MPDZ: variants seen among roughly 807,000 people sequenced by gnomAD.
MPDZ encodes multiple PDZ domain crumbs cell polarity complex component, also known as multiple PDZ domain protein.
In MPDZ, 234 loss-of-function variants were observed where a neutral mutation model predicts 239.1. The observed-to-expected ratio is 0.98, with a 90% CI of 0.88 to 1.09. The LOEUF (loss-of-function observed/expected upper bound fraction) is 1.09. MPDZ is among the 50% of genes least tolerant of loss of function. The pLI is 0.00. For synonymous variants in MPDZ, 1,048 were observed against 881.3 expected (o/e 1.19, Z -3.35); for missense variants, 3,175 against 2,510.0 (o/e 1.26, Z -5.66).
rs771491508 is a variant in MPDZ, at chr9:13,279,675, G to A, written c.-333C>T. On this transcript the variant is annotated 5_prime_UTR_variant, in exon 1 of 47. Transcript: ENST00000319217. Reference sequence around the variant, plus strand: ...CGCCGACCGGGGCTGCCGCGGAGGCGGTGGCGGGGCCCAGGCTGCTGGGGC... The same window carrying A: ...CGCCGACCGGGGCTGCCGCGGAGGCAGTGGCGGGGCCCAGGCTGCTGGGGC... 3 of 150,516 alleles carry A rather than the reference G, an allele frequency of 2.0e-5. No individual in the cohort carries two copies. Among genetic ancestry groups the A allele is most frequent in the Admixed American group, 6.6e-5 (1 of 15,100 alleles). 9.3% of individuals were successfully genotyped at this position (150,516 alleles called of 1,614,324 possible).
chr9:13,143,138 G>A lies in MPDZ; in HGVS notation c.3840+328C>T, dbSNP rs192697113. ...ACACATGGTTTTAAAGAAATTATGT[G>A]TGAAAGTATCATACATTTGGCAACT... On this transcript the variant is annotated intron_variant, in intron 27 of 46. Coordinates refer to ENST00000319217, the MANE Select transcript of MPDZ (RefSeq NM_001378778.1). Among the ~76,000 whole-genome samples the A allele has an allele frequency of 1.8e-3, 267 of 152,194 alleles. 1 individual carries two copies. The highest frequency in any genetic ancestry group is 0.015 in the Admixed American group (228 of 15,258).
At chr9:13,221,237 A>G in intron 7 of MPDZ, 135 bp downstream of exon 7, 2 of 968,212 alleles carry the variant, frequency 2.1e-6, no homozygotes, top group South Asian at 2.5e-5. Context: ...GGGACACTCA[A>G]TAAAACGAAA....
chr9:13,229,577 T>TACACACACAC (rs139327129), intron 3 of MPDZ, among the ~76,000 whole-genome samples: 2 of 136,164 alleles, frequency 1.5e-5, no homozygotes, highest in South Asian at 2.3e-4. Flanking sequence ...ACACCACACT[T>TACACACACAC]ACACACACAC....
At chr9:13,215,979 A>T in intron 10 of MPDZ, among the ~76,000 whole-genome samples, 1 of 130,930 alleles carries the variant, frequency 7.6e-6, no homozygotes. Context: ...TAGAGATAGG[A>T]TCTGCCTGTG....
At chr9:13,244,772 A>C (rs1379933664) in intron 3 of MPDZ, among the ~76,000 whole-genome samples, 1 of 152,136 alleles carries the variant, frequency 6.6e-6, no homozygotes, top group African/African-American at 2.4e-5. Context: ...AAGTAATGAG[A>C]AGGATCTGAG....
intron 19 of MPDZ, among the ~76,000 whole-genome samples, chr9:13,181,850 T>C (rs1953381276): frequency 6.6e-6 from 1 of 152,128 alleles, no homozygotes; most frequent in Admixed American, 6.6e-5. Context: ...GATTAGGAGA[T>C]TCCATCAGGA....
chr9:13,117,249 G>A (rs959650714), intron 39 of MPDZ, among the ~76,000 whole-genome samples: 3 of 152,098 alleles, frequency 2.0e-5, no homozygotes, highest in South Asian at 2.1e-4. Flanking sequence ...AGCGACTACT[G>A]TATATATTTT....
intron 21 of MPDZ, among the ~76,000 whole-genome samples, chr9:13,173,285 T>A (rs926131189): frequency 6.6e-6 from 1 of 152,208 alleles, no homozygotes; most frequent in Admixed American, 6.6e-5. Context: ...ATGCTGTGTC[T>A]ATTTTACAAT....
chr9:13,173,820 C>T (rs139443892), intron 21 of MPDZ, among the ~76,000 whole-genome samples: 1 of 152,250 alleles, frequency 6.6e-6, no homozygotes, highest in Non-Finnish European at 1.5e-5. Context: ...AAGCTGAATG[C>T]TCTTCTTAAA....
intron 8 of MPDZ, among the ~76,000 whole-genome samples, chr9:13,219,302 A>T (rs188990305): frequency 1.3e-5 from 2 of 152,144 alleles, no homozygotes; most frequent in Admixed American, 1.3e-4. Context: ...TTAAAACATT[A>T]TCCTCATAAA....
intron 25 of MPDZ, among the ~76,000 whole-genome samples, chr9:13,148,938 A>ATATT (rs1436876451): frequency 6.6e-6 from 1 of 152,002 alleles, no homozygotes; most frequent in Non-Finnish European, 1.5e-5. Flanking sequence ...CTTTTTAAAT[A>ATATT]TATTTAAACA....
intron 1 of MPDZ, among the ~76,000 whole-genome samples, chr9:13,262,386 G>C (rs944504048): frequency 2.0e-5 from 3 of 152,070 alleles, no homozygotes; most frequent in African/African-American, 7.2e-5. Flanking sequence ...GGTGGTAGAG[G>C]CTGCAGTGAC....
intron 38 of MPDZ, among the ~76,000 whole-genome samples, chr9:13,121,243 C>G (rs1332352442): frequency 6.6e-6 from 1 of 152,124 alleles, no homozygotes; most frequent in Admixed American, 6.5e-5. Context: ...ACTCACTTAT[C>G]ACTTTTAGCC....
intron 12 of MPDZ, among the ~76,000 whole-genome samples, chr9:13,198,069 ATC>A (rs1955880739): frequency 6.6e-6 from 1 of 152,140 alleles, no homozygotes. Flanking sequence ...GGGTACGGAT[ATC>A]TCTTTGCTAT....
At position 13,216,788 on chromosome 9, in the gene MPDZ, C is replaced by T. The variant is rs1958404039; in HGVS notation, c.1276G>A (p.Asp426Asn). The change falls in exon 10 of 47, where the codon GAC becomes AAC. Residue 426 changes from aspartate (D) to asparagine (N), a missense_variant. Physicochemically the swap from Asp to Asn is conservative, Grantham distance 23. Transcript: ENST00000319217. ...VEHDGRIQIG[D>N]QIIAVDGTNL... ...GTGTAACTTACTGCTATAATTTGGT[C>T]TCCAATTTGGATTCTTCCATCATGC... The T allele has an allele frequency of 1.2e-6, 2 of 1,608,040 alleles. No individual in the cohort carries two copies. Among genetic ancestry groups the T allele is most frequent in the East Asian group, 4.5e-5 (2 of 44,620 alleles).
At chr9:13,112,762 T>A (rs1262667984) in intron 42 of MPDZ, among the ~76,000 whole-genome samples, 1 of 152,194 alleles carries the variant, frequency 6.6e-6, no homozygotes, top group African/African-American at 2.4e-5. Context: ...AGGCATGGTA[T>A]TATTTTGTGT....
At chr9:13,241,314 A>C (rs2137342075) in intron 3 of MPDZ, among the ~76,000 whole-genome samples, 1 of 152,320 alleles carries the variant, frequency 6.6e-6, no homozygotes, top group Non-Finnish European at 1.5e-5. Context: ...TAAAAGTAAA[A>C]CTATTTCAGG....
At chr9:13,246,036 T>C (rs971664928) in intron 3 of MPDZ, among the ~76,000 whole-genome samples, 2 of 106,318 alleles carry the variant, frequency 1.9e-5, no homozygotes, top group Non-Finnish European at 3.8e-5. Context: ...GAATAGAAGA[T>C]ATCTGTTCAA....
Position 13,108,925 on chromosome 9 carries a change from T to C in MPDZ, c.6066+11A>G. Reference sequence around the variant, plus strand: ...AGGGGAAAAGAGGGTGGTTAAAATTTGCAAGCTTACCTTTGCAAACACTGT... The same window carrying C: ...AGGGGAAAAGAGGGTGGTTAAAATTCGCAAGCTTACCTTTGCAAACACTGT... On this transcript the variant is annotated intron_variant, in intron 46 of 46. Coordinates refer to ENST00000319217, the MANE Select transcript of MPDZ (RefSeq NM_001378778.1). The C allele has an allele frequency of 6.2e-7, 1 of 1,609,624 alleles. No individual in the cohort carries two copies. Among genetic ancestry groups the C allele is most frequent in the Non-Finnish European group, 8.5e-7 (1 of 1,177,390 alleles).
Sources: gnomAD v4.1 joint callset for allele counts (sites outside exome capture counted in the v4.1 genomes callset) on GRCh38, gnomAD v4.1.1 for gene constraint, MANE v1.5 for transcripts, NCBI Gene and HGNC (gene_info 2026-07-23, HGNC 2026-07-21) for gene names.